Variants in RICTOR observed in about 807,000 individuals in gnomAD.
RICTOR encodes rapamycin-insensitive companion of mTOR.
RICTOR carries 49 observed loss-of-function variants against 214.9 expected under a neutral mutation model. That is an observed-to-expected ratio of 0.23 (90% CI 0.18 to 0.29). RICTOR has a LOEUF of 0.29. Ranked by LOEUF, RICTOR falls within the 10% of genes least tolerant of loss-of-function variation. RICTOR has a pLI of 1.00. For synonymous variants in RICTOR, 717 were observed against 711.3 expected, an observed-to-expected ratio of 1.01 and a Z score of -0.13; for missense variants, 1,625 against 2,047.0, an observed-to-expected ratio of 0.79 and a Z score of 3.98.
chr5:38,958,118 T>C (rs1579912123), intron 24 of RICTOR, among the ~76,000 whole-genome samples: 1 of 151,976 alleles, frequency 6.6e-6, no homozygotes, highest in Non-Finnish European at 1.5e-5. Flanking sequence ...GCGCCTTTAG[T>C]CCCAGCTACT....
At chr5:38,986,984 T>C (rs747384583) in intron 7 of RICTOR, among the ~76,000 whole-genome samples, 8 of 152,192 alleles carry the variant, frequency 5.3e-5, no homozygotes, top group Non-Finnish European at 8.8e-5. Flanking sequence ...GAGGTAATCA[T>C]GTGGATTTTG....
intron 8 of RICTOR, 79 bp from the exon 9 acceptor site, chr5:38,978,729 C>T: frequency 6.0e-6 from 4 of 663,780 alleles, no homozygotes; most frequent in East Asian, 2.9e-5. Context: ...TGTAACATTC[C>T]ATTTCTCTCT....
rs1054796833 is a variant in RICTOR at position 38,946,852 on chromosome 5, G to C, written c.4315-300C>G. 9.2e-5 allele frequency among the ~76,000 whole-genome samples: 14 copies of C among 152,202 alleles called. 1 individual carries two copies. The South Asian group carries it at 2.9e-3, about 32-fold the overall frequency. On this transcript the variant is annotated intron_variant, in intron 32 of 37. Coordinates refer to ENST00000357387, the MANE Select transcript of RICTOR (RefSeq NM_152756.5). ...ATCTAGAGATCTGTGGGTATCTCCT[G>C]GGATTAGGGTCACCTTATATTACTG... is the stretch of plus-strand genomic sequence containing the variant.
chr5:39,042,066 T>C (rs192583481), intron 2 of RICTOR, among the ~76,000 whole-genome samples: 78 of 152,176 alleles, frequency 5.1e-4, no homozygotes, highest in Middle Eastern at 3.4e-3. Flanking sequence ...GAAATACCAA[T>C]TCCAGGGTCA....
chr5:39,054,814 T>C (rs1482834568), intron 2 of RICTOR, among the ~76,000 whole-genome samples: 1 of 152,236 alleles, frequency 6.6e-6, no homozygotes, highest in African/African-American at 2.4e-5. Context: ...GTTGTTAAAA[T>C]TAGTAATCAG....
In RICTOR at chr5:39,036,935, A is replaced by T. The variant is rs181743688; in HGVS notation, c.98-15799T>A. 5.1e-4 allele frequency among the ~76,000 whole-genome samples: 77 copies of T among 152,296 alleles called. 1 individual carries two copies. The highest frequency in any genetic ancestry group is 1.8e-3 in the African/African-American group (74 of 41,562). The stretch of plus-strand genomic sequence containing the variant: ...AGACAGAAAGTTAACAAGGATACCC[A>T]GGAATTGAACTCAGCTCTGCACCAA... On this transcript the variant is annotated intron_variant, in intron 2 of 37. Coordinates refer to ENST00000357387, the MANE Select transcript of RICTOR (RefSeq NM_152756.5).
intron 2 of RICTOR, among the ~76,000 whole-genome samples, chr5:39,021,638 C>A (rs1755431498): frequency 6.6e-6 from 1 of 152,248 alleles, no homozygotes; most frequent in South Asian, 2.1e-4. Context: ...CCCCTCACCC[C>A]ACCTCCAGTG....
chr5:38,992,806 G>A (rs1176141295), intron 6 of RICTOR, among the ~76,000 whole-genome samples: 1 of 152,138 alleles, frequency 6.6e-6, no homozygotes, highest in Non-Finnish European at 1.5e-5. Flanking sequence ...ATAAAATGCA[G>A]TCACTGTTAA....
rs2112846248 is a variant in RICTOR, at chr5:38,949,824, G to A, written c.4024C>T (p.His1342Tyr). The change falls in exon 31 of 38, where the codon CAT becomes TAT. Residue 1342 changes from histidine to tyrosine, a missense_variant. His to Tyr is a moderately conservative substitution (Grantham distance 83). Coordinates refer to ENST00000357387, the MANE Select transcript of RICTOR (RefSeq NM_152756.5). The stretch of plus-strand genomic sequence containing the variant: ...GCTTCAGAGTGAGATAAGGATGGAT[G>A]CATTCTTTGTTGCTGTAGTCTTTTC... ...TLKRLQQQRM[H>Y]PSLSHSEALA... 1.2e-6 allele frequency: 2 copies of A among 1,613,222 alleles called. No individual in the cohort carries two copies. Among genetic ancestry groups the A allele is most frequent in the Non-Finnish European group, 1.7e-6 (2 of 1,179,288 alleles).
At chr5:38,962,788 TA>T in intron 17 of RICTOR, 87 bp downstream of exon 17, 1 of 1,137,456 alleles carries the variant, frequency 8.8e-7, no homozygotes, top group Non-Finnish European at 1.3e-6. Context: ...AAGAGAAGTG[TA>T]AACTCAAATA....
At chr5:39,010,814 T>C (rs1754448853) in intron 3 of RICTOR, among the ~76,000 whole-genome samples, 1 of 152,310 alleles carries the variant, frequency 6.6e-6, no homozygotes, top group East Asian at 1.9e-4. Flanking sequence ...ACTTGGGTGC[T>C]CTTTAAAACA....
At chr5:38,942,607 A>G (rs1264869166) in intron 37 of RICTOR, among the ~76,000 whole-genome samples, 1 of 149,784 alleles carries the variant, frequency 6.7e-6, no homozygotes, top group African/African-American at 2.5e-5. Flanking sequence ...GATGACACCA[A>G]CCTCGGCTAA....
intron 2 of RICTOR, among the ~76,000 whole-genome samples, chr5:39,064,820 C>T (rs903651023): frequency 6.6e-6 from 1 of 152,178 alleles, no homozygotes; most frequent in Non-Finnish European, 1.5e-5. Flanking sequence ...TTCTTTTTAA[C>T]CTTTTCAATA....
chr5:38,997,045 T>C lies in RICTOR; in HGVS notation c.393-163A>G, dbSNP rs576302616. On this transcript the variant is annotated intron_variant, in intron 5 of 37. Coordinates refer to ENST00000357387, the MANE Select transcript of RICTOR (RefSeq NM_152756.5). ...AGCATATATTTATTTAATTAACCCA[T>C]ACATCTCGAGGGATAAATATCTGTC... is the stretch of plus-strand genomic sequence containing the variant. Among the ~76,000 whole-genome samples, 5 of 152,292 alleles carry C rather than the reference T, an allele frequency of 3.3e-5. No homozygotes were observed. In the South Asian group the frequency reaches 6.2e-4, roughly 19 times the overall value.
At chr5:39,058,494 G>A (rs965178852) in intron 2 of RICTOR, among the ~76,000 whole-genome samples, 7 of 151,924 alleles carry the variant, frequency 4.6e-5, no homozygotes, top group African/African-American at 9.7e-5. Context: ...TATGACTTCC[G>A]TCTATGTAAA....
At chr5:38,977,506 T>G (rs1466068112) in intron 9 of RICTOR, among the ~76,000 whole-genome samples, 2 of 152,098 alleles carry the variant, frequency 1.3e-5, no homozygotes, top group African/African-American at 4.8e-5. Context: ...GGACATCTAC[T>G]TTGATCTCTT....
intron 7 of RICTOR, among the ~76,000 whole-genome samples, chr5:38,990,348 G>A (rs536452043): frequency 1.4e-3 from 218 of 151,408 alleles, no homozygotes; most frequent in Non-Finnish European, 1.1e-3. Flanking sequence ...ATCAGGGGTC[G>A]GGGGAGGGAC....
rs991221945 is a variant in RICTOR, at chr5:38,941,744, A to G, written c.*560T>C. 1 of 232,322 alleles carries G rather than the reference A, an allele frequency of 4.3e-6. No individual in the cohort carries two copies. The highest frequency in any genetic ancestry group is 1.8e-4 in the South Asian group (1 of 5,524). The allele number at this position is 232,322 out of a possible 1,614,324, so 14.4% of individuals were successfully genotyped here. A position where few individuals can be genotyped will look rare whatever the true frequency, so the allele number is the denominator to read the frequency against. On this transcript the variant is annotated 3_prime_UTR_variant, in exon 38 of 38. Transcript: ENST00000357387. ...GAGGCTCTTCTTCTGCTTTGAGGTT[A>G]TAAACCTCTGAAGTAGTGTTACAAA...
At position 38,949,861 on chromosome 5, in the gene RICTOR, G is replaced by A. The variant is rs537918821; in HGVS notation, c.3987C>T (p.Gly1329=). The stretch of plus-strand genomic sequence containing the variant: ...GCTGTAGTCTTTTCAGTGTAGCATA[G>A]CCAAAAGCATCTCTAGAACTTGTGT... ...FSYTSSRDAF[G]YATLKRLQQQ... The change falls in exon 31 of 38, where the codon GGC becomes GGT. Residue 1329 remains glycine (G), a synonymous_variant. Transcript: ENST00000357387. 1.4e-5 allele frequency: 23 copies of A among 1,613,408 alleles called. No homozygotes were observed. In the African/African-American group the frequency reaches 2.9e-4, roughly 21 times the overall value.
Sources: allele counts gnomAD v4.1 joint callset (sites outside exome capture counted in the v4.1 genomes callset), GRCh38; gene constraint gnomAD v4.1.1; transcripts MANE v1.5; gene names NCBI Gene and HGNC (gene_info 2026-07-23, HGNC 2026-07-21).